INPP4B: variants seen among roughly 807,000 people sequenced by gnomAD.
INPP4B encodes inositol polyphosphate-4-phosphatase type II B.
Under a neutral mutation model 122.5 loss-of-function variants are expected in INPP4B, and 55 were observed. The observed-to-expected ratio is 0.45, with a 90% CI of 0.36 to 0.56. INPP4B has a LOEUF of 0.56. INPP4B is among the 20% of genes least tolerant of loss of function. INPP4B has a pLI of 0.00. For synonymous variants in INPP4B, 403 were observed against 388.7 expected, an observed-to-expected ratio of 1.04 and a Z score of -0.43; for missense variants, 1,000 against 1,097.7, an observed-to-expected ratio of 0.91 and a Z score of 1.26.
At chr4:142,084,805 CTTAAT>C (rs1466038269) in intron 24 of INPP4B, among the ~76,000 whole-genome samples, 5 of 151,988 alleles carry the variant, frequency 3.3e-5, no homozygotes, top group African/African-American at 9.7e-5. Flanking sequence ...CATGTGTATC[CTTAAT>C]TTATCTATTT....
intron 2 of INPP4B, among the ~76,000 whole-genome samples, chr4:142,607,862 C>T (rs1008886223): frequency 6.6e-6 from 1 of 152,064 alleles, no homozygotes; most frequent in Non-Finnish European, 1.5e-5. Context: ...CCACTATTAC[C>T]CTTAATTCCT....
chr4:142,746,525 T>C (rs1253682867), intron 1 of INPP4B, among the ~76,000 whole-genome samples: 3 of 152,078 alleles, frequency 2.0e-5, no homozygotes, highest in African/African-American at 2.4e-5. Context: ...AAAAATACTT[T>C]AAATTTCATA....
chr4:142,362,108 G>T (rs1051047915), intron 7 of INPP4B, among the ~76,000 whole-genome samples: 3 of 151,984 alleles, frequency 2.0e-5, no homozygotes, highest in Admixed American at 1.3e-4. Flanking sequence ...CTGGGATGCT[G>T]GGAAGAGATT....
At chr4:142,823,269 C>T (rs577803744) in intron 1 of INPP4B, among the ~76,000 whole-genome samples, 3 of 152,244 alleles carry the variant, frequency 2.0e-5, no homozygotes, top group African/African-American at 7.2e-5. Context: ...TTTGTAGTAG[C>T]ATAATATAGT....
At chr4:142,655,497 T>C (rs542383692) in intron 2 of INPP4B, among the ~76,000 whole-genome samples, 52 of 152,346 alleles carry the variant, frequency 3.4e-4, no homozygotes, top group African/African-American at 1.2e-3. Context: ...ATGCAGCTAA[T>C]TTGTACAACC....
At chr4:142,035,255 C>T (rs1278072384) in intron 25 of INPP4B, among the ~76,000 whole-genome samples, 5 of 152,150 alleles carry the variant, frequency 3.3e-5, no homozygotes, top group Admixed American at 1.3e-4. Flanking sequence ...TGATTTGTCT[C>T]TTCAAGCCTC....
At chr4:142,532,333 TG>T (rs1213820550) in intron 2 of INPP4B, among the ~76,000 whole-genome samples, 1 of 152,172 alleles carries the variant, frequency 6.6e-6, no homozygotes, top group African/African-American at 2.4e-5. Context: ...CGAAGATCTT[TG>T]CAGGGGCTGT....
chr4:142,086,356 T>G lies in INPP4B; in HGVS notation c.2375-100A>C, dbSNP rs1776759216. The G allele has an allele frequency of 5.8e-6, 4 of 690,822 alleles. No homozygotes were observed. In the East Asian group the frequency reaches 1.1e-4, roughly 19 times the overall value. 42.8% of individuals were successfully genotyped at this position (690,822 alleles called of 1,614,324 possible). ...AATACATTTATTTGCAAACACAACT[T>G]TTCTTTTAGGCAGGGTCTTGCTCTG... On this transcript the variant is annotated intron_variant, in intron 23 of 25. Transcript: ENST00000262992.
At chr4:142,536,773 G>C (rs936151943) in intron 2 of INPP4B, among the ~76,000 whole-genome samples, 1 of 152,092 alleles carries the variant, frequency 6.6e-6, no homozygotes. Flanking sequence ...AGAATCACCA[G>C]GGGAATGATC....
intron 2 of INPP4B, among the ~76,000 whole-genome samples, chr4:142,606,174 C>A (rs1418620752): frequency 6.6e-6 from 1 of 151,736 alleles, no homozygotes; most frequent in Non-Finnish European, 1.5e-5. Context: ...TATTCTCATT[C>A]CTTTGTGGGC....
At chr4:142,519,159 C>G (rs1457313302) in intron 2 of INPP4B, among the ~76,000 whole-genome samples, 1 of 152,030 alleles carries the variant, frequency 6.6e-6, no homozygotes, top group African/African-American at 2.4e-5. Flanking sequence ...GGAAAATATC[C>G]AGGAGCAATA....
chr4:142,277,422 C>T (rs887765863), intron 9 of INPP4B, among the ~76,000 whole-genome samples: 1 of 151,766 alleles, frequency 6.6e-6, no homozygotes, highest in Non-Finnish European at 1.5e-5. Context: ...GAAAAGGGAA[C>T]ACTTTCACAC....
chr4:142,124,347 A>G (rs915644588), intron 19 of INPP4B, among the ~76,000 whole-genome samples: 1 of 152,142 alleles, frequency 6.6e-6, no homozygotes, highest in Admixed American at 6.5e-5. Context: ...TGCCCTGTGA[A>G]GCAGAATTTA....
intron 10 of INPP4B, among the ~76,000 whole-genome samples, chr4:142,268,339 A>AAAAAAAAAAAAAAAAAAAAAAC: frequency 7.0e-6 from 1 of 142,790 alleles, no homozygotes; most frequent in Non-Finnish European, 1.5e-5. Context: ...AAAAAAAAAA[A>AAAAAAAAAAAAAAAAAAAAAAC]AAAAAAATGA....
At chr4:142,231,959 G>A (rs958202529) in intron 12 of INPP4B, among the ~76,000 whole-genome samples, 8 of 152,074 alleles carry the variant, frequency 5.3e-5, no homozygotes, top group Non-Finnish European at 1.2e-4. Flanking sequence ...TAAAAAGACA[G>A]GCCTGCTTTT....
At chr4:142,077,661 C>T (rs1771537646) in intron 25 of INPP4B, among the ~76,000 whole-genome samples, 1 of 151,528 alleles carries the variant, frequency 6.6e-6, no homozygotes, top group Admixed American at 6.6e-5. Context: ...AAACTGAAAA[C>T]TGAATTCTGA....
intron 2 of INPP4B, among the ~76,000 whole-genome samples, chr4:142,537,060 G>T (rs1242162293): frequency 1.3e-5 from 2 of 152,108 alleles, no homozygotes; most frequent in Non-Finnish European, 2.9e-5. Flanking sequence ...CTCCCAAAGT[G>T]CTGGGATTAC....
intron 2 of INPP4B, among the ~76,000 whole-genome samples, chr4:142,566,506 G>A (rs1279381480): frequency 6.6e-6 from 1 of 152,184 alleles, no homozygotes; most frequent in East Asian, 1.9e-4. Flanking sequence ...AAAGAAGGGA[G>A]TTCTGTTTCA....
intron 2 of INPP4B, among the ~76,000 whole-genome samples, chr4:142,512,279 G>A (rs1441839648): frequency 6.6e-6 from 1 of 152,118 alleles, no homozygotes; most frequent in Non-Finnish European, 1.5e-5. Context: ...TGAGGATACA[G>A]TTGTAACTGA....
Sources: gnomAD v4.1 joint callset for allele counts (sites outside exome capture counted in the v4.1 genomes callset) on GRCh38, gnomAD v4.1.1 for gene constraint, MANE v1.5 for transcripts, NCBI Gene and HGNC (gene_info 2026-07-23, HGNC 2026-07-21) for gene names.